The following ADAMTS3 variants were observed in gnomAD, a reference collection of about 807,000 sequenced individuals.
ADAMTS3 encodes A disintegrin and metalloproteinase with thrombospondin motifs 3.
In ADAMTS3, 73 loss-of-function variants were observed where a neutral mutation model predicts 129.0. The ratio of observed to expected loss-of-function variants is 0.57; its 90% CI spans 0.47 to 0.69. The LOEUF is 0.69. Ranked by LOEUF, ADAMTS3 falls within the 30% of genes least tolerant of loss-of-function variation. The probability of loss-of-function intolerance (pLI) is 0.00; values close to 1 mark genes in which losing one functional copy is unlikely to be tolerated. For missense variants in ADAMTS3, 1,457 were observed against 1,514.5 expected (o/e 0.96, Z 0.63); for synonymous variants, 477 against 510.8 (o/e 0.93, Z 0.89).
At chr4:72,404,875 A>T (rs186614070) in intron 4 of ADAMTS3, among the ~76,000 whole-genome samples, 1 of 151,536 alleles carries the variant, frequency 6.6e-6, no homozygotes, top group East Asian at 1.9e-4. Flanking sequence ...ACACAAAATA[A>T]CTCGATTAAA....
At chr4:72,331,410 A>G (rs1434567) in intron 5 of ADAMTS3, among the ~76,000 whole-genome samples, 144,547 of 152,188 alleles carry the variant, frequency 0.95, 69,073 homozygotes, top group Non-Finnish European at 1. Flanking sequence ...CTATGTGTTC[A>G]TGTTCATAGC....
intron 3 of ADAMTS3, among the ~76,000 whole-genome samples, chr4:72,481,846 T>C (rs940197449): frequency 6.6e-6 from 1 of 151,802 alleles, no homozygotes; most frequent in Non-Finnish European, 1.5e-5. Flanking sequence ...AATTAGAAAA[T>C]GAAAAAGCCA....
intron 18 of ADAMTS3, among the ~76,000 whole-genome samples, chr4:72,296,040 A>G (rs568462424): frequency 6.6e-6 from 1 of 152,166 alleles, no homozygotes; most frequent in South Asian, 2.1e-4. Flanking sequence ...CTAAATATAC[A>G]CAGTCTAGCA....
At chr4:72,522,644 C>T (rs2109744869) in intron 3 of ADAMTS3, among the ~76,000 whole-genome samples, 4 of 152,196 alleles carry the variant, frequency 2.6e-5, no homozygotes, top group Admixed American at 2.6e-4. Context: ...ACTATGCTTA[C>T]CATCAAGTGG....
At chr4:72,500,655 T>C (rs1719994876) in intron 3 of ADAMTS3, among the ~76,000 whole-genome samples, 1 of 152,156 alleles carries the variant, frequency 6.6e-6, no homozygotes, top group South Asian at 2.1e-4. Flanking sequence ...TTTGTTGCAA[T>C]TGCTTTTGAA....
At chr4:72,499,265 A>G (rs1200359579) in intron 3 of ADAMTS3, among the ~76,000 whole-genome samples, 1 of 152,202 alleles carries the variant, frequency 6.6e-6, no homozygotes, top group East Asian at 1.9e-4. Flanking sequence ...ATGTTTAAAA[A>G]TCTATTCACA....
chr4:72,415,388 CA>C (rs1328710493), intron 3 of ADAMTS3, among the ~76,000 whole-genome samples: 1 of 151,830 alleles, frequency 6.6e-6, no homozygotes, highest in Non-Finnish European at 1.5e-5. Context: ...CCAAACGTTA[CA>C]TACATTTTTA....
At chr4:72,425,757 A>G (rs1255718430) in intron 3 of ADAMTS3, among the ~76,000 whole-genome samples, 2 of 151,674 alleles carry the variant, frequency 1.3e-5, no homozygotes, top group African/African-American at 2.4e-5. Context: ...GGTTGGTTCC[A>G]AGTCTTTGCT....
intron 17 of ADAMTS3, among the ~76,000 whole-genome samples, chr4:72,298,865 A>C (rs1391659850): frequency 6.6e-6 from 1 of 151,812 alleles, no homozygotes; most frequent in African/African-American, 2.4e-5. Context: ...AAATTTAAAA[A>C]TTTTGGTGCA....
intron 3 of ADAMTS3, among the ~76,000 whole-genome samples, chr4:72,479,745 G>C (rs2110004091): frequency 6.6e-6 from 1 of 152,260 alleles, no homozygotes; most frequent in East Asian, 1.9e-4. Flanking sequence ...ACTACCATCA[G>C]AGTGAACAGG....
chr4:72,539,767 A>C (rs1296078317), intron 3 of ADAMTS3, among the ~76,000 whole-genome samples: 2 of 152,118 alleles, frequency 1.3e-5, no homozygotes, highest in East Asian at 3.9e-4. Context: ...GATGGTTTTA[A>C]ACAATGGGAG....
intron 5 of ADAMTS3, among the ~76,000 whole-genome samples, chr4:72,327,396 A>G (rs1224781991): frequency 1.3e-5 from 2 of 152,208 alleles, no homozygotes; most frequent in Non-Finnish European, 2.9e-5. Context: ...AAAATCAACA[A>G]AAAAGAACAG....
chr4:72,554,056 A>G lies in ADAMTS3; in HGVS notation c.98-5172T>C, dbSNP rs1265720762. 2.6e-5 allele frequency among the ~76,000 whole-genome samples: 4 copies of G among 152,278 alleles called. No homozygotes were observed. The East Asian group carries it at 7.7e-4, about 29-fold the overall frequency. The stretch of plus-strand genomic sequence containing the variant: ...TATAATGTAAAAAAATTTTCTTGTC[A>G]GGGAATTCTCTTTTATCTAAATTCC... On this transcript the variant is annotated intron_variant, in intron 2 of 21. Coordinates refer to ENST00000286657, the MANE Select transcript of ADAMTS3 (RefSeq NM_014243.3).
At chr4:72,347,450 C>T (rs1427162292) in intron 4 of ADAMTS3, among the ~76,000 whole-genome samples, 3 of 151,664 alleles carry the variant, frequency 2.0e-5, no homozygotes. Flanking sequence ...TATTCTTAGG[C>T]TACACAGTGC....
chr4:72,288,911 A>C (rs1435159977), intron 20 of ADAMTS3, 43 bp from the exon 21 acceptor site: 1 of 998,320 alleles, frequency 1.0e-6, no homozygotes, highest in South Asian at 1.3e-5. Context: ...TATTGCACCA[A>C]GACCATGCAC....
chr4:72,301,909 G>A (rs1718959432), intron 17 of ADAMTS3, among the ~76,000 whole-genome samples: 1 of 152,018 alleles, frequency 6.6e-6, no homozygotes, highest in Non-Finnish European at 1.5e-5. Flanking sequence ...GTCCATGACT[G>A]AGGGTTGGTC....
chr4:72,449,870 A>G (rs1346439588), intron 3 of ADAMTS3, among the ~76,000 whole-genome samples: 2 of 151,426 alleles, frequency 1.3e-5, no homozygotes, highest in Non-Finnish European at 3.0e-5. Context: ...CTTTTTTTTC[A>G]GTTTCAATCT....
Position 72,307,509 on chromosome 4 carries a change from T to C in ADAMTS3, c.2180-1442A>G, listed in dbSNP as rs1719118523. ...GCCTCTTGTCTTCCCTTAAATAGAA[T>C]GTCTTTAATTAGTGGAGGGTTCATG... On this transcript the variant is annotated intron_variant, in intron 15 of 21. Transcript: ENST00000286657. Among the ~76,000 whole-genome samples the C allele has an allele frequency of 2.0e-5, 3 of 152,076 alleles. 1 individual carries two copies. The highest frequency in any genetic ancestry group is 2.0e-4 in the Admixed American group (3 of 15,232).
intron 3 of ADAMTS3, among the ~76,000 whole-genome samples, chr4:72,435,088 G>A (rs148210472): frequency 6.6e-6 from 1 of 151,768 alleles, no homozygotes; most frequent in Non-Finnish European, 1.5e-5. Context: ...CTTGAGCAAA[G>A]ACATAGTTTC....
Sources: allele counts gnomAD v4.1 joint callset (sites outside exome capture counted in the v4.1 genomes callset), GRCh38; gene constraint gnomAD v4.1.1; transcripts MANE v1.5; gene names NCBI Gene and HGNC (gene_info 2026-07-23, HGNC 2026-07-21).